The following KYAT3 variants were observed in gnomAD, a reference collection of about 807,000 sequenced individuals.
The protein encoded by KYAT3 is kynurenine--oxoglutarate transaminase 3.
Under a neutral mutation model 59.0 loss-of-function variants are expected in KYAT3, and 50 were observed. The ratio of observed to expected loss-of-function variants is 0.85; its 90% CI spans 0.68 to 1.07. The LOEUF (loss-of-function observed/expected upper bound fraction) is 1.07, where lower values mean the gene tolerates loss of function less well. KYAT3 is among the 50% of genes least tolerant of loss of function. The pLI is 0.00. For synonymous variants in KYAT3, 148 were observed against 177.0 expected (o/e 0.84, Z 1.30); for missense variants, 497 against 533.3 (o/e 0.93, Z 0.67).
chr1:88,984,559 G>T (rs1677332262), intron 2 of KYAT3, among the ~76,000 whole-genome samples: 1 of 152,178 alleles, frequency 6.6e-6, no homozygotes, highest in Admixed American at 6.6e-5. Context: ...ATTTTATAAA[G>T]AATTATTTGT....
At chr1:88,935,351 A>C (rs528295142), downstream of KYAT3, among the ~76,000 whole-genome samples, 19 of 141,088 alleles carry the variant, frequency 1.3e-4, no homozygotes, top group South Asian at 4.0e-3. Context: ...TGGAGGAGAG[A>C]GAGAGACAGA....
Position 88,955,163 on chromosome 1 carries a change from C to T in KYAT3, c.850G>A (p.Val284Ile), listed in dbSNP as rs1182141782. 6.2e-7 allele frequency: 1 copy of T among 1,608,772 alleles called. No homozygotes were observed. Residue 284 changes from valine to isoleucine, a missense_variant, in exon 9 of 14, where the codon GTA becomes ATA. Val to Ile is a conservative substitution (Grantham distance 29, BLOSUM62 3). This residue lies in a region of KYAT3 where 469 missense variants were observed against 479.1 expected (regional missense o/e 0.98). Transcript: ENST00000260508. ...TIGSAGKTFSVTGWKLGWSIG... is the reference protein window; with the variant it reads ...TIGSAGKTFSITGWKLGWSIG... Reference sequence around the variant, plus strand: ...ACTCATCTTACCTTCCAGCCAGTTACACTGAAAGTCTTTCCAGCACTTCCT... The same window carrying T: ...ACTCATCTTACCTTCCAGCCAGTTATACTGAAAGTCTTTCCAGCACTTCCT...
At chr1:88,964,712 A>T in intron 5 of KYAT3, 117 bp downstream of exon 5, 1 of 821,844 alleles carries the variant, frequency 1.2e-6, no homozygotes. Context: ...CATGCATTAT[A>T]CTTAAAACAT....
downstream of KYAT3, among the ~76,000 whole-genome samples, chr1:88,934,370 C>T (rs1322011902): frequency 6.6e-6 from 1 of 152,150 alleles, no homozygotes; most frequent in East Asian, 1.9e-4. Flanking sequence ...ATGAGAATTG[C>T]TTGAACCTGG....
chr1:88,924,125 G>C, the KYAT3 span, among the ~76,000 whole-genome samples: 1 of 152,182 alleles, frequency 6.6e-6, no homozygotes, highest in South Asian at 2.1e-4. Context: ...GTGGTTAAAG[G>C]CTGGCACCTG....
chr1:88,949,324 A>G (rs764231371), intron 10 of KYAT3, 47 bp from the exon 11 acceptor site: 3 of 1,326,172 alleles, frequency 2.3e-6, no homozygotes, highest in Non-Finnish European at 3.1e-6. Context: ...TGGCAATGTT[A>G]TTTATTGCTT....
intron 11 of KYAT3, among the ~76,000 whole-genome samples, chr1:88,946,611 A>G (rs1188018560): frequency 2.0e-5 from 3 of 152,238 alleles, no homozygotes; most frequent in Non-Finnish European, 4.4e-5. Flanking sequence ...TCATATGGAA[A>G]TCTTGGGGAT....
At position 88,949,210 on chromosome 1, in the gene KYAT3, G is replaced by C; in HGVS notation, c.1022C>G (p.Ser341Cys). Residue 341 changes from serine (S) to cysteine (C), a missense_variant, in exon 11 of 14, where the codon TCT becomes TGT. Around this residue, in one of 2 missense-constraint regions of KYAT3, gnomAD observed 469 missense variants for 479.1 expected, o/e 0.98. Transcript: ENST00000260508. Reference protein sequence around the residue: ...RMDDPECYFNSLPKELEVKRD... With the variant: ...RMDDPECYFNCLPKELEVKRD... ...TTTTACTTCTAACTCTTTTGGCAAAGAATTAAAGTAACATTCTGGGTCATC... is the reference window on the plus strand; with the variant it reads ...TTTTACTTCTAACTCTTTTGGCAAACAATTAAAGTAACATTCTGGGTCATC... 1 of 1,609,576 alleles carries C rather than the reference G, an allele frequency of 6.2e-7. No individual in the cohort carries two copies. Among genetic ancestry groups the C allele is most frequent in the Non-Finnish European group, 8.5e-7 (1 of 1,178,432 alleles).
downstream of KYAT3, among the ~76,000 whole-genome samples, chr1:88,934,175 C>T (rs1674967838): frequency 6.6e-6 from 1 of 152,132 alleles, no homozygotes; most frequent in Non-Finnish European, 1.5e-5. Context: ...GGAGAATCAG[C>T]TGGGTGCGGT....
the KYAT3 span, among the ~76,000 whole-genome samples, chr1:88,921,356 G>A: frequency 6.6e-6 from 1 of 152,256 alleles, no homozygotes; most frequent in East Asian, 1.9e-4. Context: ...AGTTGCAAAG[G>A]AACTGGAGAA....
chr1:88,961,923 A>T, intron 6 of KYAT3, 136 bp downstream of exon 6: 1 of 665,538 alleles, frequency 1.5e-6, no homozygotes, highest in Non-Finnish European at 2.7e-6. Context: ...TTAAAAAGAC[A>T]ACTAGACAAA....
At chr1:88,942,809 G>T (rs1256291407) in intron 13 of KYAT3, among the ~76,000 whole-genome samples, 196 bp downstream of exon 13, 1 of 152,014 alleles carries the variant, frequency 6.6e-6, no homozygotes, top group South Asian at 2.1e-4. Flanking sequence ...TGATCAGCCC[G>T]CCTCGGCCTC....
At chr1:88,930,239 T>C in the KYAT3 span, among the ~76,000 whole-genome samples, 12 of 152,254 alleles carry the variant, frequency 7.9e-5, no homozygotes, top group Admixed American at 3.9e-4. Context: ...GATCTTACTG[T>C]GTGGACATCT....
chr1:88,962,966 G>A (rs1420187092), intron 5 of KYAT3, among the ~76,000 whole-genome samples: 2 of 151,432 alleles, frequency 1.3e-5, no homozygotes, highest in Non-Finnish European at 2.9e-5. Flanking sequence ...TCACTTTTAT[G>A]ATGTGAACAA....
chr1:88,979,133 T>C (rs1370614005), intron 2 of KYAT3, among the ~76,000 whole-genome samples: 2 of 152,206 alleles, frequency 1.3e-5, no homozygotes, highest in Non-Finnish European at 2.9e-5. Flanking sequence ...AGAAAGGTCA[T>C]GTTACCATGG....
At position 88,953,048 on chromosome 1, in the gene KYAT3, T is replaced by C; in HGVS notation, c.954+15A>G. The C allele has an allele frequency of 6.7e-7, 1 of 1,495,758 alleles. No homozygotes were observed. Among genetic ancestry groups the C allele is most frequent in the Non-Finnish European group, 9.3e-7 (1 of 1,072,708 alleles). 92.7% of individuals were successfully genotyped at this position (1,495,758 alleles called of 1,614,324 possible). On this transcript the variant is annotated intron_variant, in intron 10 of 13. Transcript: ENST00000260508. ...AAAAGACAATGCTTCTACCCTGAGT[T>C]ACTATAACACTTACCTGTAAAGGAG...
chr1:88,959,301 G>GGGC (rs550831129), intron 8 of KYAT3, among the ~76,000 whole-genome samples: 284 of 151,096 alleles, frequency 1.9e-3, no homozygotes, highest in African/African-American at 6.2e-3. Context: ...AATTAAGGCT[G>GGGC]GGCACGGTGG....
chr1:88,923,727 G>C, the KYAT3 span: 2 of 274,714 alleles, frequency 7.3e-6, no homozygotes, highest in South Asian at 3.6e-5. Context: ...CTAGCCTCTG[G>C]GAATCCATTC....
At chr1:88,931,681 T>C (rs368340252), downstream of KYAT3, among the ~76,000 whole-genome samples, 4 of 151,830 alleles carry the variant, frequency 2.6e-5, no homozygotes, top group African/African-American at 9.7e-5. Flanking sequence ...TTAGCTCACA[T>C]CTGACCAATC....
Sources: allele counts gnomAD v4.1 joint callset (sites outside exome capture counted in the v4.1 genomes callset), GRCh38; gene constraint gnomAD v4.1.1; regional missense constraint gnomAD v4.1.1; transcripts MANE v1.5; gene names NCBI Gene and HGNC (gene_info 2026-07-23, HGNC 2026-07-21).